The following STOML2 variants were observed in gnomAD, a reference collection of about 807,000 sequenced individuals.
STOML2 encodes stomatin like 2.
A neutral mutation model predicts 45.7 loss-of-function variants in STOML2; 22 were observed. The observed-to-expected ratio is 0.48, with a 90% CI of 0.34 to 0.69. The LOEUF is 0.69. Ranked by LOEUF, STOML2 falls within the 30% of genes least tolerant of loss-of-function variation. STOML2 has a pLI of 0.01. For missense variants in STOML2, 359 were observed against 466.9 expected (o/e 0.77, Z 2.13); for synonymous variants, 181 against 182.7 (o/e 0.99, Z 0.08).
chr9:35,101,750 C>A lies in STOML2; in HGVS notation c.404G>T (p.Arg135Ile). The change falls in exon 5 of 10, where the codon AGA (arginine) becomes ATA (isoleucine). Residue 135 changes from arginine to isoleucine, a missense_variant. By Grantham distance (97) the Arg-to-Ile change is moderately conservative (BLOSUM62 -3). Around this residue, in one of 2 missense-constraint regions of STOML2, gnomAD observed 285 missense variants for 422.0 expected, o/e 0.68. Coordinates refer to ENST00000356493, the MANE Select transcript of STOML2 (RefSeq NM_013442.3). This position sits in a 1 kb window ranked among gnomAD's most constrained non-coding sequence, Gnocchi z 4.3. ...CAGAGAGAGTTTGCCGAGCTCTGAT[C>A]TCATGGTTGTTTGAGCTAGCTGGGT... Reference protein sequence around the residue: ...AVTQLAQTTMRSELGKLSLDK... With the variant: ...AVTQLAQTTMISELGKLSLDK... 1 of 1,614,170 alleles carries A rather than the reference C, an allele frequency of 6.2e-7. No homozygotes were observed. The highest frequency in any genetic ancestry group is 1.1e-5 in the South Asian group (1 of 91,080).
rs11548408 is a variant in STOML2, at chr9:35,103,077, C to T, written c.18G>A (p.Ala6=). 2 of 1,613,960 alleles carry T rather than the reference C, an allele frequency of 1.2e-6. No individual in the cohort carries two copies. Among genetic ancestry groups the T allele is most frequent in the Admixed American group, 1.7e-5 (1 of 60,036 alleles). Reference sequence around the variant, plus strand: ...TCAGCAAAAGGGCCCCAGTGCCCCGCGCCGCGCGCGCCAGCATTTCCCACC... The same window carrying T: ...TCAGCAAAAGGGCCCCAGTGCCCCGTGCCGCGCGCGCCAGCATTTCCCACC... The part of the protein sequence containing the change: MLARA[A]RGTGALLLRG... The change falls in exon 1 of 10, where the codon GCG becomes GCA. Residue 6 remains alanine, a synonymous_variant. Coordinates refer to ENST00000356493, the MANE Select transcript of STOML2 (RefSeq NM_013442.3).
chr9:35,100,933 T>A lies in STOML2; in HGVS notation c.803A>T (p.His268Leu). ...IRILAAALTQ[H>L]NGDAAASLTV... ...CATTCCCACCCAGGGGCCTCTCACA[T>A]GTTGTGTCAGAGCTGCAGCCAGGAT... Residue 268 changes from histidine (H) to leucine (L), a missense_variant and splice_region_variant, in exon 8 of 10, where the codon CAT becomes CTT. Physicochemically the swap from His to Leu is moderately conservative, Grantham distance 99. Around this residue, in one of 2 missense-constraint regions of STOML2, gnomAD observed 285 missense variants for 422.0 expected, o/e 0.68. Transcript: ENST00000356493. The A allele has an allele frequency of 6.2e-7, 1 of 1,614,198 alleles. No homozygotes were observed.
At chr9:35,100,554 C>T (rs200292585) in intron 9 of STOML2, 44 bp downstream of exon 9, 1 of 1,575,202 alleles carries the variant, frequency 6.3e-7, no homozygotes, top group Non-Finnish European at 8.6e-7. Flanking sequence ...TCAGTTTGGT[C>T]CCTGGCACCA....
In STOML2 at chr9:35,102,923, G is replaced by A. The variant is rs940424007; in HGVS notation, c.46-100C>T. On this transcript the variant is annotated intron_variant, in intron 1 of 9. Coordinates refer to ENST00000356493, the MANE Select transcript of STOML2 (RefSeq NM_013442.3). This position sits in a 1 kb window ranked among gnomAD's most constrained non-coding sequence, Gnocchi z 4.8. Reference sequence around the variant, plus strand: ...ATAAACCACGACCCTCAGGATCCTCGGAGAATCACATGGGGACCATGACCT... The same window carrying A: ...ATAAACCACGACCCTCAGGATCCTCAGAGAATCACATGGGGACCATGACCT... The A allele has an allele frequency of 5.7e-6, 9 of 1,573,238 alleles. No individual in the cohort carries two copies. The Admixed American group carries it at 1.7e-4, about 29-fold the overall frequency.
chr9:35,102,601 G>A lies in STOML2; in HGVS notation c.183+85C>T. On this transcript the variant is annotated intron_variant, in intron 2 of 9. Transcript: ENST00000356493. The surrounding 1 kb of genome is among the most constrained non-coding windows in gnomAD (Gnocchi z 4.8). ...GAGTCGGGAGCTAACAGTGCGGGCAGGCCCAAAGGAAGTCCTCCCGACATT... is the reference window on the plus strand; with the variant it reads ...GAGTCGGGAGCTAACAGTGCGGGCAAGCCCAAAGGAAGTCCTCCCGACATT... 2 of 1,567,942 alleles carry A rather than the reference G, an allele frequency of 1.3e-6. No homozygotes were observed. Among genetic ancestry groups the A allele is most frequent in the Admixed American group, 1.8e-5 (1 of 54,072 alleles).
rs548271174 is a variant in STOML2, at chr9:35,100,652, G to A, written c.879C>T (p.Ser293=). The A allele has an allele frequency of 1.2e-4, 194 of 1,614,146 alleles. 3 individuals carry two copies. The South Asian group carries it at 2.0e-3, about 17-fold the overall frequency. ...VSAFSKLAKD[S]NTILLPSNPG... ...GGTTGGAGGGCAGTAGGATAGTGTT[G>A]GAGTCCTTGGCCAGTTTGGAGAACG... The change falls in exon 9 of 10, where the codon TCC becomes TCT. Residue 293 remains serine, a synonymous_variant. Transcript: ENST00000356493.
Position 35,101,010 on chromosome 9 carries a change from TC to T in STOML2, c.725del (p.Gly242GlufsTer24). The T allele has an allele frequency of 6.2e-7, 1 of 1,613,976 alleles. No homozygotes were observed. The highest frequency in any genetic ancestry group is 8.5e-7 in the Non-Finnish European group (1 of 1,179,900). The stretch of plus-strand genomic sequence containing the variant: ...CCTTCGCCAGAACTGCACTGGCCTC[TC>T]CTGCAAGAGAAGGGACAGAGCTTGC... ...EKAEQINQAA[G>X]EASAVLAKAK... On this transcript the variant is annotated frameshift_variant and splice_region_variant, in exon 8 of 10. Transcript: ENST00000356493. LOFTEE classifies it high-confidence loss of function. This position sits in a 1 kb window ranked among gnomAD's most constrained non-coding sequence, Gnocchi z 4.3.
At position 35,102,210 on chromosome 9, in the gene STOML2, A is replaced by C; in HGVS notation, c.184-16T>G. On this transcript the variant is annotated splice_polypyrimidine_tract_variant and intron_variant, in intron 2 of 9. Coordinates refer to ENST00000356493, the MANE Select transcript of STOML2 (RefSeq NM_013442.3). This position sits in a 1 kb window ranked among gnomAD's most constrained non-coding sequence, Gnocchi z 4.8. ...TGTTCAAACCCTGGAAAGAGGAGTCATGGGTCCTCAGAAGGCTGGGAACTA... is the reference window on the plus strand; with the variant it reads ...TGTTCAAACCCTGGAAAGAGGAGTCCTGGGTCCTCAGAAGGCTGGGAACTA... 1.2e-6 allele frequency: 2 copies of C among 1,610,016 alleles called. No individual in the cohort carries two copies. The highest frequency in any genetic ancestry group is 1.7e-6 in the Non-Finnish European group (2 of 1,176,802).
Position 35,099,888 on chromosome 9 carries a change from C to A in STOML2, c.*147G>T. On this transcript the variant is annotated 3_prime_UTR_variant, in exon 10 of 10. Coordinates refer to ENST00000356493, the MANE Select transcript of STOML2 (RefSeq NM_013442.3). Reference sequence around the variant, plus strand: ...AACTTCATTCCCCAATCAAAGAGGACAGTTTCTGGTTTGCCACTGGTGAGT... The same window carrying A: ...AACTTCATTCCCCAATCAAAGAGGAAAGTTTCTGGTTTGCCACTGGTGAGT... 1.1e-6 allele frequency: 1 copy of A among 895,324 alleles called. No individual in the cohort carries two copies. The highest frequency in any genetic ancestry group is 1.7e-6 in the Non-Finnish European group (1 of 593,080). The allele number at this position is 895,324 out of a possible 1,614,324, so 55.5% of individuals were successfully genotyped here.
chr9:35,100,309 G>A (rs149429470), intron 9 of STOML2, 137 bp from the exon 10 acceptor site: 3 of 1,176,576 alleles, frequency 2.5e-6, no homozygotes, highest in South Asian at 1.5e-5. Context: ...AACCTGTCTT[G>A]TAAGCTCTGG....
intron 9 of STOML2, among the ~76,000 whole-genome samples, 160 bp downstream of exon 9, chr9:35,100,438 T>C (rs1339765812): frequency 6.6e-6 from 1 of 152,160 alleles, no homozygotes; most frequent in Non-Finnish European, 1.5e-5. Context: ...TGAGTGGAGA[T>C]GTTTCATTCT....
chr9:35,101,810 G>T lies in STOML2; in HGVS notation c.344C>A (p.Ala115Glu). 6.2e-7 allele frequency: 1 copy of T among 1,614,190 alleles called. No individual in the cohort carries two copies. The highest frequency in any genetic ancestry group is 8.5e-7 in the Non-Finnish European group (1 of 1,180,026). ...CTCAGGGTCCTCCACACCGTAGCTT[G>T]CCTGAGATGGACACGGATAGTGTAA... ...LYLRIMDPYK[A>E]SYGVEDPEYA... Residue 115 changes from alanine (A) to glutamate (E), a missense_variant and splice_region_variant, in exon 5 of 10, where the codon GCA (alanine) becomes GAA (glutamate). Coordinates refer to ENST00000356493, the MANE Select transcript of STOML2 (RefSeq NM_013442.3). This position sits in a 1 kb window ranked among gnomAD's most constrained non-coding sequence, Gnocchi z 4.3.
At position 35,102,129 on chromosome 9, in the gene STOML2, G is replaced by A. The variant is rs34203068; in HGVS notation, c.249C>T (p.Val83=). 1,004 of 1,613,934 alleles carry A rather than the reference G, an allele frequency of 6.2e-4. 4 individuals are homozygous for A. In the African/African-American group the frequency reaches 0.012, roughly 20 times the overall value. Residue 83 remains valine, a synonymous_variant, in exon 3 of 10, where the codon GTC becomes GTT. Transcript: ENST00000356493. This position sits in a 1 kb window ranked among gnomAD's most constrained non-coding sequence, Gnocchi z 4.8. Reference sequence around the variant, plus strand: ...CAGCCGACTGCTCAGGCACGTTGATGACAATTTCCTTGAGACTCTGCACAT... The same window carrying A: ...CAGCCGACTGCTCAGGCACGTTGATAACAATTTCCTTGAGACTCTGCACAT... ...IRYVQSLKEI[V]INVPEQSAVT... is the part of the protein sequence containing the mutation.
At position 35,102,676 on chromosome 9, in the gene STOML2, G is replaced by C. The variant is rs774754698; in HGVS notation, c.183+10C>G. On this transcript the variant is annotated intron_variant, in intron 2 of 9. Transcript: ENST00000356493. The surrounding 1 kb of genome is among the most constrained non-coding windows in gnomAD (Gnocchi z 4.8). ...TGGCTGGCCCAGGGTGGGCAGAAGA[G>C]GTTTCTCACAGGCTCCAGGATCCGG... 31 of 1,612,048 alleles carry C rather than the reference G, an allele frequency of 1.9e-5. No homozygotes were observed. The highest frequency in any genetic ancestry group is 6.8e-6 in the Non-Finnish European group (8 of 1,179,956).
Position 35,101,879 on chromosome 9 carries a change from G to C in STOML2, c.342+25C>G, listed in dbSNP as rs201279905. 4.0e-4 allele frequency: 646 copies of C among 1,614,092 alleles called. No homozygotes were observed. The highest frequency in any genetic ancestry group is 5.0e-4 in the Admixed American group (30 of 60,020). The stretch of plus-strand genomic sequence containing the variant: ...TTTAGTGAAGAGGGCAACTCAAAAG[G>C]CTGGATAAAGTAGGGGACAGGTACC... On this transcript the variant is annotated intron_variant, in intron 4 of 9. Transcript: ENST00000356493. This position sits in a 1 kb window ranked among gnomAD's most constrained non-coding sequence, Gnocchi z 4.3.
chr9:35,100,681 T>C lies in STOML2; in HGVS notation c.850A>G (p.Ser284Gly), dbSNP rs1173491392. The C allele has an allele frequency of 6.2e-7, 1 of 1,614,068 alleles. No individual in the cohort carries two copies. Among genetic ancestry groups the C allele is most frequent in the Non-Finnish European group, 8.5e-7 (1 of 1,180,024 alleles). ...ASLTVAEQYV[S>G]AFSKLAKDSN... ...TCCTTGGCCAGTTTGGAGAACGCGC[T>C]GACATACTGCTCGGCCACAGTCAGT... The change falls in exon 9 of 10, where the codon AGC (serine) becomes GGC (glycine). Residue 284 changes from serine to glycine, a missense_variant. Around this residue, in one of 2 missense-constraint regions of STOML2, gnomAD observed 285 missense variants for 422.0 expected, o/e 0.68. Coordinates refer to ENST00000356493, the MANE Select transcript of STOML2 (RefSeq NM_013442.3).
chr9:35,100,596 A>C lies in STOML2; in HGVS notation c.933+2T>G, dbSNP rs112469124. ...TATGCTGGGTCCTCAGAGAGCTCTA[A>C]CCTGAGCCACCATGCTGGTGACATC... On this transcript the variant is annotated splice_donor_variant, in intron 9 of 9. Transcript: ENST00000356493. LOFTEE classifies it high-confidence loss of function. 6.2e-7 allele frequency: 1 copy of C among 1,613,520 alleles called. No individual in the cohort carries two copies. Among genetic ancestry groups the C allele is most frequent in the South Asian group, 1.1e-5 (1 of 91,036 alleles).
rs188924816 is a variant in STOML2, at chr9:35,102,883, C to T, written c.46-60G>A. On this transcript the variant is annotated intron_variant, in intron 1 of 9. Transcript: ENST00000356493. The surrounding 1 kb of genome is among the most constrained non-coding windows in gnomAD (Gnocchi z 4.8). Reference sequence around the variant, plus strand: ...CTGGCCAGACACGCCGCCCCTCGGTCCTGAAGGCATCTCCATAAACCACGA... The same window carrying T: ...CTGGCCAGACACGCCGCCCCTCGGTTCTGAAGGCATCTCCATAAACCACGA... The T allele has an allele frequency of 8.2e-5, 131 of 1,594,442 alleles. 1 individual carries two copies. The Admixed American group carries it at 1.9e-3, about 23-fold the overall frequency.
Position 35,101,508 on chromosome 9 carries a change from T to A in STOML2, c.497A>T (p.Asp166Val). The A allele has an allele frequency of 6.2e-7, 1 of 1,614,038 alleles. No individual in the cohort carries two copies. The highest frequency in any genetic ancestry group is 8.5e-7 in the Non-Finnish European group (1 of 1,179,988). Residue 166 changes from aspartate to valine, a missense_variant, in exon 6 of 10, where the codon GAC becomes GTC. This residue lies in a region of STOML2 where 285 missense variants were observed against 422.0 expected (regional missense o/e 0.68). Transcript: ENST00000356493. This position sits in a 1 kb window ranked among gnomAD's most constrained non-coding sequence, Gnocchi z 4.3. The stretch of plus-strand genomic sequence containing the variant: ...ACGGAGGCAGCGGATACCCCAGCAG[T>A]CAGCAGCTTGGTTGATGGCATCCAC... Reference protein sequence around the residue: ...SIVDAINQAADCWGIRCLRYE... With the variant: ...SIVDAINQAAVCWGIRCLRYE...
Sources: gnomAD v4.1 joint callset for allele counts (sites outside exome capture counted in the v4.1 genomes callset) on GRCh38, gnomAD v4.1.1 for gene constraint, gnomAD v4.1.1 regional missense constraint, Gnocchi (gnomAD v3.1) non-coding constraint, MANE v1.5 for transcripts, NCBI Gene and HGNC (gene_info 2026-07-23, HGNC 2026-07-21) for gene names.